Variants in LIPK observed in about 807,000 individuals in gnomAD.
LIPK encodes lipase family member K.
A neutral mutation model predicts 48.6 loss-of-function variants in LIPK; 32 were observed. That is an observed-to-expected ratio of 0.66 (90% CI 0.50 to 0.88). The LOEUF (loss-of-function observed/expected upper bound fraction) is 0.88. LIPK is among the 40% of genes least tolerant of loss of function. The pLI, the probability that LIPK is intolerant of heterozygous loss-of-function variation, is 0.00. For missense variants in LIPK, 507 were observed against 478.5 expected (o/e 1.06, Z -0.56); for synonymous variants, 164 against 157.4 (o/e 1.04, Z -0.32).
At position 88,726,812 on chromosome 10, in the gene LIPK, C is replaced by T. The variant is rs763278536; in HGVS notation, c.123C>T (p.Tyr41=). 1.3e-6 allele frequency: 2 copies of T among 1,579,066 alleles called. No individual in the cohort carries two copies. The highest frequency in any genetic ancestry group is 2.2e-5 in the East Asian group (1 of 44,694). Residue 41 remains tyrosine, a synonymous_variant, in exon 3 of 10, where the codon TAC becomes TAT. Coordinates refer to ENST00000404190, the MANE Select transcript of LIPK (RefSeq NM_001080518.2). ...CTTTTTAGAGCCAGATTATTTCTTA[C>T]TGGGGTTATCCTTATGAAGAGTATG... ...ANMNISQIIS[Y]WGYPYEEYDV...
At chr10:88,712,351 G>C (rs531458098) in intron 1 of LIPK, among the ~76,000 whole-genome samples, 5 of 152,198 alleles carry the variant, frequency 3.3e-5, no homozygotes, top group Middle Eastern at 3.4e-3. Flanking sequence ...ACTAAAACTA[G>C]CTATGACAGC....
intron 9 of LIPK, among the ~76,000 whole-genome samples, chr10:88,746,586 A>G (rs1174547926): frequency 1.3e-5 from 2 of 152,208 alleles, no homozygotes; most frequent in African/African-American, 4.8e-5. Context: ...CAAAGATACA[A>G]TATACCAGAA....
chr10:88,742,754 C>A (rs1564569963), intron 8 of LIPK, among the ~76,000 whole-genome samples: 2 of 119,130 alleles, frequency 1.7e-5, no homozygotes, highest in African/African-American at 6.4e-5. Context: ...GTGAATATTT[C>A]TTTTAATAGT....
At chr10:88,725,145 G>A (rs1191522643) in intron 2 of LIPK, among the ~76,000 whole-genome samples, 2 of 152,208 alleles carry the variant, frequency 1.3e-5, no homozygotes, top group Non-Finnish European at 2.9e-5. Flanking sequence ...AATTCATTCA[G>A]ATAATATACT....
intron 7 of LIPK, among the ~76,000 whole-genome samples, chr10:88,739,574 C>G (rs1769700): frequency 0.78 from 119,116 of 152,074 alleles, 47,565 homozygotes; most frequent in East Asian, 1. Context: ...AGGGAAAAGA[C>G]GCCAGGTGCA....
intron 9 of LIPK, among the ~76,000 whole-genome samples, chr10:88,752,180 C>G (rs1842874647): frequency 6.6e-6 from 1 of 152,118 alleles, no homozygotes; most frequent in Non-Finnish European, 1.5e-5. Flanking sequence ...TCCTATCCGA[C>G]ATTTTGTTTG....
At chr10:88,721,602 G>A (rs1842226326) in intron 1 of LIPK, among the ~76,000 whole-genome samples, 2 of 152,136 alleles carry the variant, frequency 1.3e-5, no homozygotes, top group South Asian at 4.2e-4. Context: ...GCCATCCCTT[G>A]GGGCTGGCTC....
In LIPK at chr10:88,733,024, G is replaced by A. The variant is rs1044447805; in HGVS notation, c.669+473G>A. 6.6e-5 allele frequency among the ~76,000 whole-genome samples: 10 copies of A among 152,166 alleles called. 1 individual carries two copies. The highest frequency in any genetic ancestry group is 2.2e-4 in the African/African-American group (9 of 41,424). ...GGGATAATAATAGTTCTTACTCATA[G>A]GGCTACCCTGAGGACTAAGTAAATT... On this transcript the variant is annotated intron_variant, in intron 6 of 9. Transcript: ENST00000404190.
Position 88,737,670 on chromosome 10 carries a change from A to G in LIPK, c.705A>G (p.Thr235=). ...GTGACAAAATGTTCCACCCTCATAC[A>G]TTGTTTGACCAATTCATTGCCACCA... ...LFGDKMFHPH[T]LFDQFIATKV... The change falls in exon 7 of 10, where the codon ACA becomes ACG. Residue 235 remains threonine, a synonymous_variant. Coordinates refer to ENST00000404190, the MANE Select transcript of LIPK (RefSeq NM_001080518.2). The G allele has an allele frequency of 1.2e-6, 2 of 1,613,836 alleles. No individual in the cohort carries two copies. Among genetic ancestry groups the G allele is most frequent in the South Asian group, 1.1e-5 (1 of 91,076 alleles).
intron 1 of LIPK, among the ~76,000 whole-genome samples, chr10:88,717,011 C>T (rs1842132298): frequency 6.6e-6 from 1 of 151,954 alleles, no homozygotes; most frequent in Admixed American, 6.6e-5. Context: ...GGGAAAGAGA[C>T]CAGTGCATGT....
At chr10:88,714,134 A>C (rs1842073731) in intron 1 of LIPK, among the ~76,000 whole-genome samples, 1 of 152,100 alleles carries the variant, frequency 6.6e-6, no homozygotes, top group South Asian at 2.1e-4. Flanking sequence ...AGGTGAAAGT[A>C]TTCAATATGT....
At chr10:88,737,291 A>G (rs970802227) in intron 6 of LIPK, among the ~76,000 whole-genome samples, 1 of 152,200 alleles carries the variant, frequency 6.6e-6, no homozygotes, top group Non-Finnish European at 1.5e-5. Flanking sequence ...ATAGATGAGA[A>G]AATTCATAAT....
In LIPK at chr10:88,731,102, T is replaced by C. The variant is rs1229804631; in HGVS notation, c.343T>C (p.Leu115=). The C allele has an allele frequency of 7.5e-6, 12 of 1,607,428 alleles. No individual in the cohort carries two copies. The highest frequency in any genetic ancestry group is 2.7e-5 in the African/African-American group (2 of 74,908). The change falls in exon 4 of 10, where the codon TTG becomes CTG. Residue 115 remains leucine, a synonymous_variant. Transcript: ENST00000404190. The stretch of plus-strand genomic sequence containing the variant: ...GGCAGATAGTGGTTATGACGTGTGG[T>C]TGGGGAACAGCCGAGGAAACACTTG... The part of the protein sequence containing the change: ...LLADSGYDVW[L]GNSRGNTWSR...
chr10:88,736,895 A>AT (rs1842582752), intron 6 of LIPK, among the ~76,000 whole-genome samples: 1 of 152,180 alleles, frequency 6.6e-6, no homozygotes, highest in African/African-American at 2.4e-5. Flanking sequence ...ATGTGTGTTT[A>AT]TTTTTACTGT....
chr10:88,745,924 G>T (rs1321787361), intron 9 of LIPK, among the ~76,000 whole-genome samples: 1 of 152,164 alleles, frequency 6.6e-6, no homozygotes, highest in Non-Finnish European at 1.5e-5. Context: ...AAAGAAAAGG[G>T]AGGGAGAAAT....
chr10:88,743,295 G>A lies in LIPK; in HGVS notation c.934G>A (p.Asp312Asn), dbSNP rs761201876. 1.9e-6 allele frequency: 3 copies of A among 1,593,858 alleles called. No homozygotes were observed. Among genetic ancestry groups the A allele is most frequent in the Non-Finnish European group, 2.6e-6 (3 of 1,168,300 alleles). Residue 312 changes from aspartate to asparagine, a missense_variant, in exon 9 of 10, where the codon GAT (aspartate) becomes AAT (asparagine). By Grantham distance (23) the Asp-to-Asn change is conservative (BLOSUM62 1). Coordinates refer to ENST00000404190, the MANE Select transcript of LIPK (RefSeq NM_001080518.2). ...QLQAFDWGNS[D>N]QNMMHFHQLT... Reference sequence around the variant, plus strand: ...CCAAGCTTTTGATTGGGGAAACTCTGATCAGAACATGATGCACTTCCATCA... The same window carrying A: ...CCAAGCTTTTGATTGGGGAAACTCTAATCAGAACATGATGCACTTCCATCA...
intron 6 of LIPK, among the ~76,000 whole-genome samples, chr10:88,732,972 C>T (rs758889165): frequency 6.6e-6 from 1 of 152,150 alleles, no homozygotes; most frequent in Non-Finnish European, 1.5e-5. Flanking sequence ...TTGGTCAAGA[C>T]CTTAAGTTCT....
intron 6 of LIPK, among the ~76,000 whole-genome samples, chr10:88,736,568 G>A (rs1014282635): frequency 2.0e-5 from 3 of 152,136 alleles, no homozygotes; most frequent in African/African-American, 7.2e-5. Context: ...GTAAAAGGCA[G>A]GATCTGACTT....
intron 9 of LIPK, among the ~76,000 whole-genome samples, chr10:88,745,980 C>A (rs1037439529): frequency 6.6e-6 from 1 of 152,118 alleles, no homozygotes; most frequent in African/African-American, 2.4e-5. Context: ...GGTTGCTATT[C>A]TTGCTTCAGA....
Sources: gnomAD v4.1 joint callset for allele counts (sites outside exome capture counted in the v4.1 genomes callset) on GRCh38, gnomAD v4.1.1 for gene constraint, MANE v1.5 for transcripts, NCBI Gene and HGNC (gene_info 2026-07-23, HGNC 2026-07-21) for gene names.